PDE4D: variants seen among roughly 807,000 people sequenced by gnomAD.
PDE4D encodes the protein 3',5'-cyclic-AMP phosphodiesterase 4D.
In PDE4D, 24 loss-of-function variants were observed where a neutral mutation model predicts 87.4. That is an observed-to-expected ratio of 0.27 (90% CI 0.20 to 0.39). The LOEUF is 0.39. Ranked by LOEUF, PDE4D falls within the 10% of genes least tolerant of loss-of-function variation. PDE4D has a pLI of 1.00. For synonymous variants in PDE4D, 384 were observed against 383.2 expected, an observed-to-expected ratio of 1.00 and a Z score of -0.02; for missense variants, 714 against 1,041.0, an observed-to-expected ratio of 0.69 and a Z score of 4.32.
In PDE4D at chr5:59,765,324, G is replaced by A. The variant is rs376822067; in HGVS notation, c.455+127844C>T. On this transcript the variant is annotated intron_variant, in intron 1 of 14. Coordinates refer to ENST00000340635, the MANE Select transcript of PDE4D (RefSeq NM_001104631.2). ...CAAGGAGGTTTGACGAGAGGTTCAA[G>A]GACTTGTTATTACAGATGTTATTCT... is the stretch of plus-strand genomic sequence containing the variant. 2.2e-4 allele frequency among the ~76,000 whole-genome samples: 34 copies of A among 152,272 alleles called. No individual in the cohort carries two copies. In the South Asian group the frequency reaches 7.1e-3, roughly 32 times the overall value.
chr5:60,123,100 C>T (rs577893487), intron 2 of PDE4D, among the ~76,000 whole-genome samples: 1 of 152,240 alleles, frequency 6.6e-6, no homozygotes, highest in Admixed American at 6.5e-5. Context: ...TCTTATTGTC[C>T]ATATTGCTAG....
At chr5:59,947,961 G>A (rs1345142851) in intron 3 of PDE4D, among the ~76,000 whole-genome samples, 1 of 152,156 alleles carries the variant, frequency 6.6e-6, no homozygotes, top group East Asian at 1.9e-4. Flanking sequence ...GAGCTGAGAT[G>A]GTGCCACTGC....
chr5:59,981,167 G>A (rs13173771), intron 3 of PDE4D, among the ~76,000 whole-genome samples: 54,246 of 151,976 alleles, frequency 0.36, 11,305 homozygotes, highest in East Asian at 0.73. Flanking sequence ...CAGGAGAATC[G>A]CTTGAACCTG....
chr5:59,402,710 G>C (rs1025194467), intron 1 of PDE4D, among the ~76,000 whole-genome samples: 1 of 152,108 alleles, frequency 6.6e-6, no homozygotes, highest in Non-Finnish European at 1.5e-5. Flanking sequence ...ACCCCAAATT[G>C]TATGCACAGG....
intron 2 of PDE4D, among the ~76,000 whole-genome samples, chr5:60,160,498 A>AT (rs1391818932): frequency 6.6e-6 from 1 of 151,984 alleles, no homozygotes; most frequent in South Asian, 2.1e-4. Context: ...CACTAACAAA[A>AT]TTTTTTTTAA....
intron 1 of PDE4D, among the ~76,000 whole-genome samples, chr5:59,340,434 G>A (rs1778520017): frequency 6.6e-6 from 1 of 151,934 alleles, no homozygotes; most frequent in South Asian, 2.1e-4. Context: ...TATTTATGGG[G>A]TACATGAGAT....
intron 1 of PDE4D, among the ~76,000 whole-genome samples, chr5:60,267,762 C>T (rs1750368357): frequency 6.6e-6 from 1 of 151,874 alleles, no homozygotes; most frequent in Admixed American, 6.6e-5. Flanking sequence ...TAACAACTTG[C>T]AAAAAAAGTA....
intron 2 of PDE4D, among the ~76,000 whole-genome samples, chr5:60,154,762 AC>A (rs965865258): frequency 5.9e-5 from 9 of 152,204 alleles, no homozygotes; most frequent in African/African-American, 2.2e-4. Context: ...AAGGGTAACA[AC>A]TATCCTGATT....
intron 1 of PDE4D, among the ~76,000 whole-genome samples, chr5:59,596,864 G>A (rs1826757655): frequency 6.6e-6 from 1 of 152,100 alleles, no homozygotes; most frequent in Non-Finnish European, 1.5e-5. Context: ...AGGTGGGGTT[G>A]AACCAAAATG....
upstream of PDE4D, among the ~76,000 whole-genome samples, chr5:59,895,743 G>A (rs1274620161): frequency 3.3e-5 from 5 of 152,080 alleles, no homozygotes; most frequent in Non-Finnish European, 7.4e-5. Context: ...TATAACTGTG[G>A]CAAAATACCT....
intron 2 of PDE4D, among the ~76,000 whole-genome samples, chr5:60,046,536 A>C (rs917970327): frequency 1.3e-5 from 2 of 151,962 alleles, no homozygotes; most frequent in African/African-American, 4.8e-5. Context: ...TTTGAAATAC[A>C]TCCCATCAAT....
intron 1 of PDE4D, among the ~76,000 whole-genome samples, chr5:60,473,218 A>G (rs1293861205): frequency 6.6e-6 from 1 of 151,126 alleles, no homozygotes; most frequent in Non-Finnish European, 1.5e-5. Context: ...AAGAAAGAGA[A>G]AGAAAGAAGG....
intron 1 of PDE4D, among the ~76,000 whole-genome samples, chr5:60,198,755 T>A (rs1250073077): frequency 6.6e-6 from 1 of 151,556 alleles, no homozygotes; most frequent in Non-Finnish European, 1.5e-5. Context: ...ATAGGGGAGC[T>A]CAAAATTTAT....
intron 1 of PDE4D, among the ~76,000 whole-genome samples, chr5:59,382,582 G>A (rs890942153): frequency 6.6e-6 from 1 of 152,118 alleles, no homozygotes; most frequent in Non-Finnish European, 1.5e-5. Flanking sequence ...GGCTGGCAGT[G>A]ACATTCTCTA....
At chr5:59,348,840 C>T (rs1438236442) in intron 1 of PDE4D, among the ~76,000 whole-genome samples, 1 of 151,798 alleles carries the variant, frequency 6.6e-6, no homozygotes, top group Non-Finnish European at 1.5e-5. Context: ...GCCTGTAATC[C>T]CAGCACTTTA....
chr5:59,169,362 G>C (rs1181058184), intron 5 of PDE4D, among the ~76,000 whole-genome samples: 1 of 151,458 alleles, frequency 6.6e-6, no homozygotes, highest in Non-Finnish European at 1.5e-5. Flanking sequence ...ACTTGGTACT[G>C]TGTCCAAGAA....
chr5:59,609,050 C>T (rs565058417), intron 1 of PDE4D, among the ~76,000 whole-genome samples: 1 of 152,178 alleles, frequency 6.6e-6, no homozygotes, highest in Admixed American at 6.6e-5. Context: ...GTAGCCCAAG[C>T]CAACAACTCG....
At chr5:59,324,927 G>A (rs564353393) in intron 1 of PDE4D, among the ~76,000 whole-genome samples, 1 of 152,100 alleles carries the variant, frequency 6.6e-6, no homozygotes, top group South Asian at 2.1e-4. Flanking sequence ...ATCTTAGAAG[G>A]CTGCATGGCA....
intron 1 of PDE4D, among the ~76,000 whole-genome samples, chr5:59,235,178 C>T (rs1756123276): frequency 6.6e-6 from 1 of 152,168 alleles, no homozygotes; most frequent in Non-Finnish European, 1.5e-5. Flanking sequence ...TGTGGCCCTT[C>T]AGACCACATG....
Sources: allele counts gnomAD v4.1 joint callset (sites outside exome capture counted in the v4.1 genomes callset), GRCh38; gene constraint gnomAD v4.1.1; transcripts MANE v1.5; gene names NCBI Gene and HGNC (gene_info 2026-07-23, HGNC 2026-07-21).